Variants in CCDC30 observed in about 807,000 individuals in gnomAD.
CCDC30 encodes the protein coiled-coil domain containing 30, also known as coiled-coil domain-containing protein 30.
In CCDC30, 70 loss-of-function variants were observed where a neutral mutation model predicts 100.2. That is an observed-to-expected ratio of 0.70 (90% confidence interval 0.58 to 0.85). The LOEUF (loss-of-function observed/expected upper bound fraction) is 0.85. Ranked by LOEUF, CCDC30 falls within the 40% of genes least tolerant of loss-of-function variation. The pLI is 0.00. For synonymous variants in CCDC30, 233 were observed against 269.5 expected (o/e 0.86, Z 1.33); for missense variants, 652 against 771.2 (o/e 0.85, Z 1.83).
At chr1:42,563,927 G>A (rs893681180) in intron 6 of CCDC30, among the ~76,000 whole-genome samples, 3 of 151,878 alleles carry the variant, frequency 2.0e-5, no homozygotes, top group East Asian at 1.9e-4. Flanking sequence ...ACCCATTGAA[G>A]ATTTTTTTTT....
At chr1:42,587,682 C>T (rs1646101824) in intron 9 of CCDC30, among the ~76,000 whole-genome samples, 1 of 152,152 alleles carries the variant, frequency 6.6e-6, no homozygotes, top group Non-Finnish European at 1.5e-5. Flanking sequence ...TTAGAGAAAA[C>T]AAACTTAATT....
At chr1:42,627,675 G>C (rs558395522) in intron 11 of CCDC30, among the ~76,000 whole-genome samples, 16 of 152,238 alleles carry the variant, frequency 1.1e-4, no homozygotes, top group Admixed American at 9.8e-4. Context: ...GGCTGAAAGG[G>C]GCCAACTTAG....
chr1:42,535,698 ATATATATATAT>A (rs554827879), intron 6 of CCDC30, among the ~76,000 whole-genome samples: 1 of 7,598 alleles, frequency 1.3e-4, no homozygotes, highest in African/African-American at 7.3e-4. Flanking sequence ...CATCACTACT[ATATATATATAT>A]TATATATATA....
intron 11 of CCDC30, among the ~76,000 whole-genome samples, chr1:42,611,332 T>C (rs946137224): frequency 2.0e-5 from 3 of 152,186 alleles, no homozygotes; most frequent in Non-Finnish European, 4.4e-5. Flanking sequence ...TTGATGGTAT[T>C]GAACTTGTTT....
intron 6 of CCDC30, among the ~76,000 whole-genome samples, chr1:42,565,408 T>C (rs1250931838): frequency 1.3e-5 from 2 of 152,176 alleles, no homozygotes; most frequent in African/African-American, 4.8e-5. Context: ...AAAGAAGATG[T>C]GCAAAAGGCC....
intron 6 of CCDC30, among the ~76,000 whole-genome samples, chr1:42,508,237 T>C (rs1644424813): frequency 6.6e-6 from 1 of 152,224 alleles, no homozygotes; most frequent in African/African-American, 2.4e-5. Flanking sequence ...TAGTGGATCC[T>C]GGATTCCCAA....
At chr1:42,656,748 G>C (rs904343224), downstream of CCDC30, among the ~76,000 whole-genome samples, 3 of 152,064 alleles carry the variant, frequency 2.0e-5, no homozygotes, top group African/African-American at 7.2e-5. Flanking sequence ...TCCTAAAATG[G>C]GAACAATAAT....
At chr1:42,608,233 A>G (rs752235383) in intron 10 of CCDC30, among the ~76,000 whole-genome samples, 2 of 152,310 alleles carry the variant, frequency 1.3e-5, no homozygotes, top group East Asian at 3.9e-4. Flanking sequence ...ACGGTACTCT[A>G]TGGAAAGGAT....
chr1:42,500,069 G>A lies in CCDC30; in HGVS notation c.456+1153G>A, dbSNP rs537114530. 6.8e-4 allele frequency: 567 copies of A among 839,100 alleles called. 2 individuals carry two copies. The highest frequency in any genetic ancestry group is 1.1e-3 in the Admixed American group (58 of 54,886). The allele number at this position is 839,100 out of a possible 1,614,324, so 52.0% of individuals were successfully genotyped here. On this transcript the variant is annotated intron_variant, in intron 6 of 16. Transcript: ENST00000668663. Reference sequence around the variant, plus strand: ...CAGCCTTCGTTGTCAGTAGTTCTTTGATGTGAAAGGGGCAGCACAGTCATT... The same window carrying A: ...CAGCCTTCGTTGTCAGTAGTTCTTTAATGTGAAAGGGGCAGCACAGTCATT...
At chr1:42,555,278 C>A (rs1353304876) in intron 6 of CCDC30, among the ~76,000 whole-genome samples, 1 of 152,160 alleles carries the variant, frequency 6.6e-6, no homozygotes. Context: ...TTTGCTTGTT[C>A]ATGTTCTCAT....
exon 12 of CCDC30, chr1:42,637,305 A>G (rs761567891): frequency 3.8e-6 from 6 of 1,584,118 alleles, no homozygotes; most frequent in South Asian, 1.2e-5. Flanking sequence ...TTAACTAATG[A>G]AGTAGAACTA....
At position 42,649,342 on chromosome 1, in the gene CCDC30, G is replaced by T. The variant is rs146181519; in HGVS notation, c.1854+3025G>T. ...GATACACCACATTAATAGAATGAAG[G>T]ACAAAAACCATATGATCATCTTATT... On this transcript the variant is annotated intron_variant, in intron 15 of 16. Transcript: ENST00000668663. Among the ~76,000 whole-genome samples, 615 of 152,124 alleles carry T rather than the reference G, an allele frequency of 4.0e-3. 5 individuals are homozygous for T. The highest frequency in any genetic ancestry group is 0.014 in the African/African-American group (579 of 41,510).
In CCDC30 at chr1:42,539,081, CCATTTCAAGATT is replaced by C. The variant is rs1351285845; in HGVS notation, c.457-27210_457-27199del. The C allele has an allele frequency of 1.0e-5, 11 of 1,064,178 alleles. No individual in the cohort carries two copies. In the African/African-American group the frequency reaches 1.7e-4, roughly 16 times the overall value. The allele number at this position is 1,064,178 out of a possible 1,614,324, so 65.9% of individuals were successfully genotyped here. On this transcript the variant is annotated intron_variant, in intron 6 of 16. Transcript: ENST00000668663. Reference sequence around the variant, plus strand: ...ATTTAAAACAAAAAATTTGTCAGGACCATTTCAAGATTCATTCTTAAAAATATTATATCTTTT... The same window carrying C: ...ATTTAAAACAAAAAATTTGTCAGGACCATTCTTAAAAATATTATATCTTTT...
intron 8 of CCDC30, among the ~76,000 whole-genome samples, chr1:42,577,997 T>C (rs1645878148): frequency 1.3e-5 from 2 of 152,206 alleles, no homozygotes; most frequent in Admixed American, 1.3e-4. Context: ...AATTATCATA[T>C]TCATCACATC....
upstream of CCDC30, among the ~76,000 whole-genome samples, chr1:42,461,268 A>G (rs1370622943): frequency 1.3e-5 from 2 of 152,242 alleles, no homozygotes; most frequent in African/African-American, 4.8e-5. Context: ...TTAATCAGGA[A>G]ATGTGACCTT....
chr1:42,460,724 T>C (rs1365837794), upstream of CCDC30, among the ~76,000 whole-genome samples: 1 of 152,200 alleles, frequency 6.6e-6, no homozygotes, highest in Non-Finnish European at 1.5e-5. Context: ...CTATTAGCTT[T>C]ATAAACTTAG....
chr1:42,617,687 C>T (rs1646752026), intron 11 of CCDC30, among the ~76,000 whole-genome samples: 1 of 152,170 alleles, frequency 6.6e-6, no homozygotes, highest in Admixed American at 6.5e-5. Context: ...TGCACTGAGT[C>T]AGTTCCTGGG....
chr1:42,636,430 C>T (rs1005263373), intron 11 of CCDC30, among the ~76,000 whole-genome samples: 1 of 151,510 alleles, frequency 6.6e-6, no homozygotes, highest in African/African-American at 2.4e-5. Flanking sequence ...AAGAAGAGGT[C>T]CAGACTCAAT....
chr1:42,632,460 C>T (rs1229332433), intron 11 of CCDC30, among the ~76,000 whole-genome samples: 1 of 151,208 alleles, frequency 6.6e-6, no homozygotes, highest in Admixed American at 6.6e-5. Context: ...GAGTGAGACT[C>T]TACCTTAAAA....
Sources: gnomAD v4.1 joint callset for allele counts (sites outside exome capture counted in the v4.1 genomes callset) on GRCh38, gnomAD v4.1.1 for gene constraint, MANE v1.5 for transcripts, NCBI Gene and HGNC (gene_info 2026-07-23, HGNC 2026-07-21) for gene names.